Variants in WWOX observed in about 807,000 individuals in gnomAD.
WWOX encodes WW domain containing oxidoreductase, also known as WW domain-containing oxidoreductase.
WWOX carries 69 observed loss-of-function variants against 46.2 expected under a neutral mutation model. The ratio of observed to expected loss-of-function variants is 1.49; its 90% CI spans 1.23 to 1.82. The LOEUF is 1.82. Among genes scored for constraint, WWOX ranks in the 40% most tolerant of loss-of-function variants. The probability of loss-of-function intolerance (pLI) is 0.00; values close to 1 mark genes in which losing one functional copy is unlikely to be tolerated. For missense variants in WWOX, 919 were observed against 542.6 expected (o/e 1.69, Z -6.89); for synonymous variants, 359 against 202.6 (o/e 1.77, Z -6.56).
intron 8 of WWOX, among the ~76,000 whole-genome samples, chr16:78,526,758 G>A (rs2043479679): frequency 6.6e-6 from 1 of 152,176 alleles, no homozygotes; most frequent in Non-Finnish European, 1.5e-5. Context: ...AGGAGTTGAG[G>A]GCAACAGGGG....
intron 8 of WWOX, among the ~76,000 whole-genome samples, chr16:78,522,493 C>A (rs970429925): frequency 6.6e-6 from 1 of 152,180 alleles, no homozygotes; most frequent in African/African-American, 2.4e-5. Context: ...CGATGTCACT[C>A]TTCTCTGTCT....
chr16:78,336,330 CAAA>C (rs35010158), intron 5 of WWOX, among the ~76,000 whole-genome samples: 1,612 of 131,056 alleles, frequency 0.012, 21 homozygotes, highest in African/African-American at 0.032. Context: ...AAAATAACAC[CAAA>C]AAAAAAAAAA....
At chr16:78,586,344 A>G (rs1234396692) in intron 8 of WWOX, among the ~76,000 whole-genome samples, 1 of 152,168 alleles carries the variant, frequency 6.6e-6, no homozygotes, top group Non-Finnish European at 1.5e-5. Context: ...TAATTACTCT[A>G]GGTAACCTGA....
At chr16:78,158,152 A>G (rs1461863927) in intron 4 of WWOX, among the ~76,000 whole-genome samples, 3 of 152,200 alleles carry the variant, frequency 2.0e-5, no homozygotes, top group Admixed American at 6.5e-5. Flanking sequence ...ACTGTTTTCT[A>G]TGAAGATTAG....
intron 8 of WWOX, among the ~76,000 whole-genome samples, chr16:79,042,274 C>CT (rs1322917186): frequency 6.6e-6 from 1 of 152,184 alleles, no homozygotes; most frequent in Non-Finnish European, 1.5e-5. Flanking sequence ...TCCTCACTGT[C>CT]TTTTGCATTA....
chr16:78,762,514 C>T (rs2049819274), intron 8 of WWOX, among the ~76,000 whole-genome samples: 1 of 152,224 alleles, frequency 6.6e-6, no homozygotes, highest in Admixed American at 6.5e-5. Flanking sequence ...GACAATACGA[C>T]CCAGCCCCTG....
chr16:78,112,269 CT>C (rs965373331), intron 3 of WWOX, among the ~76,000 whole-genome samples: 9 of 151,534 alleles, frequency 5.9e-5, no homozygotes, highest in Admixed American at 5.9e-4. Flanking sequence ...TGAACCAAAA[CT>C]TTTTTTTTAG....
chr16:78,750,738 T>G (rs921978112), intron 8 of WWOX, among the ~76,000 whole-genome samples: 4 of 152,186 alleles, frequency 2.6e-5, no homozygotes, highest in African/African-American at 9.7e-5. Flanking sequence ...AGTAAGAACA[T>G]GCGGTATTTG....
At chr16:78,885,130 C>T (rs1462159017) in intron 8 of WWOX, among the ~76,000 whole-genome samples, 4 of 151,476 alleles carry the variant, frequency 2.6e-5, no homozygotes, top group Admixed American at 2.6e-4. Flanking sequence ...GTGGAGTGGG[C>T]TAAATGGCCA....
At chr16:78,952,183 C>T (rs971216544) in intron 8 of WWOX, among the ~76,000 whole-genome samples, 2 of 152,050 alleles carry the variant, frequency 1.3e-5, no homozygotes, top group African/African-American at 2.4e-5. Context: ...TGCCCTCCTG[C>T]AGCAGGGCTT....
At chr16:79,211,161 G>C (rs1273877778) in intron 8 of WWOX, among the ~76,000 whole-genome samples, 2 of 152,076 alleles carry the variant, frequency 1.3e-5, no homozygotes, top group African/African-American at 2.4e-5. Context: ...TTTTCTACCT[G>C]ATGGACCACA....
At chr16:78,545,253 C>A (rs187221348) in intron 8 of WWOX, among the ~76,000 whole-genome samples, 3 of 152,210 alleles carry the variant, frequency 2.0e-5, no homozygotes, top group Admixed American at 2.0e-4. Context: ...AAGTGAATGT[C>A]CAGCCCCAAC....
Position 78,867,549 on chromosome 16 carries a change from G to GT in WWOX, c.1057-344050dup, listed in dbSNP as rs1257095467. ...TTTGTTTTTTTGTGTGTGTGTTTTT[G>GT]TTTTTTTTTAAGACGGAGCTTTGCT... On this transcript the variant is annotated intron_variant, in intron 8 of 8. Coordinates refer to ENST00000566780, the MANE Select transcript of WWOX (RefSeq NM_016373.4). Among the ~76,000 whole-genome samples, 825 of 149,022 alleles carry GT rather than the reference G, an allele frequency of 5.5e-3. 5 individuals are homozygous for GT. The highest frequency in any genetic ancestry group is 0.015 in the African/African-American group (604 of 40,590).
At chr16:78,896,047 G>C (rs980120546) in intron 8 of WWOX, 2 of 152,080 alleles carry the variant, frequency 1.3e-5, no homozygotes, top group African/African-American at 4.8e-5. Context: ...TCACAGATGA[G>C]TAATAACCAA....
intron 8 of WWOX, among the ~76,000 whole-genome samples, chr16:78,902,613 G>A (rs910757349): frequency 6.6e-6 from 1 of 152,200 alleles, no homozygotes; most frequent in Admixed American, 6.5e-5. Flanking sequence ...TTTCTCTTCT[G>A]CTCTCTTTGG....
At chr16:78,718,455 G>A (rs546579270) in intron 8 of WWOX, among the ~76,000 whole-genome samples, 7 of 152,074 alleles carry the variant, frequency 4.6e-5, no homozygotes, top group Non-Finnish European at 8.8e-5. Flanking sequence ...CTTTATAACT[G>A]AATAGGAGGG....
At chr16:78,205,060 C>T (rs545002709) in intron 5 of WWOX, among the ~76,000 whole-genome samples, 1 of 152,130 alleles carries the variant, frequency 6.6e-6, no homozygotes, top group South Asian at 2.1e-4. Context: ...GAACATGGGG[C>T]TTAAATCAGT....
intron 8 of WWOX, among the ~76,000 whole-genome samples, chr16:79,120,135 A>G (rs1332459443): frequency 1.3e-5 from 2 of 152,200 alleles, no homozygotes; most frequent in African/African-American, 2.4e-5. Context: ...GGCAACCTTT[A>G]TTTAATCCAA....
chr16:78,957,616 T>G (rs1025226812), intron 8 of WWOX, among the ~76,000 whole-genome samples: 27 of 152,230 alleles, frequency 1.8e-4, no homozygotes, highest in African/African-American at 6.3e-4. Context: ...GGTATGTCTC[T>G]TCGGATAGAT....
Sources: allele counts gnomAD v4.1 joint callset (sites outside exome capture counted in the v4.1 genomes callset), GRCh38; gene constraint gnomAD v4.1.1; transcripts MANE v1.5; gene names NCBI Gene and HGNC (gene_info 2026-07-23, HGNC 2026-07-21).